SH2D4A: variants seen among roughly 807,000 people sequenced by gnomAD.
The protein encoded by SH2D4A is SH2 domain containing 4A, also known as SH2 domain-containing protein 4A.
Under a neutral mutation model 64.7 loss-of-function variants are expected in SH2D4A, and 70 were observed. The observed-to-expected ratio is 1.08, with a 90% confidence interval of 0.89 to 1.32. The LOEUF (loss-of-function observed/expected upper bound fraction) is 1.32, where lower values mean the gene tolerates loss of function less well. SH2D4A is among the 40% of genes most tolerant of loss of function. The pLI, the probability that SH2D4A is intolerant of heterozygous loss-of-function variation, is 0.00. For synonymous variants in SH2D4A, 268 were observed against 200.7 expected, an observed-to-expected ratio of 1.34 and a Z score of -2.83; for missense variants, 706 against 540.1, an observed-to-expected ratio of 1.31 and a Z score of -3.04.
At chr8:19,315,093 C>CT (rs368292304) in intron 1 of SH2D4A, among the ~76,000 whole-genome samples, 2,379 of 149,246 alleles carry the variant, frequency 0.016, 64 homozygotes, top group African/African-American at 0.054. Flanking sequence ...ACCGCAGTTA[C>CT]TTTTTTTTTG....
intron 7 of SH2D4A, among the ~76,000 whole-genome samples, chr8:19,367,977 CT>C (rs907245340): frequency 6.6e-6 from 1 of 152,120 alleles, no homozygotes. Flanking sequence ...CCAGTATTTT[CT>C]TTTGGTAGCT....
rs778639547 is a variant in SH2D4A, at chr8:19,393,505, G to A, written c.1236G>A (p.Gln412=). ...GCTTCCTGGGCGTGGACCAGCTACA[G>A]CATGCCACCTTGGCGGATTTGGTGG... ...AYSFLGVDQL[Q]HATLADLVEY... Residue 412 remains glutamine, a synonymous_variant, in exon 9 of 10, where the codon CAG becomes CAA. Transcript: ENST00000265807. The A allele has an allele frequency of 6.2e-7, 1 of 1,614,234 alleles. No individual in the cohort carries two copies. The highest frequency in any genetic ancestry group is 8.5e-7 in the Non-Finnish European group (1 of 1,180,046).
intron 4 of SH2D4A, among the ~76,000 whole-genome samples, chr8:19,349,117 A>G (rs575492790): frequency 6.6e-6 from 1 of 152,342 alleles, no homozygotes; most frequent in East Asian, 1.9e-4. Context: ...TCTAGTATAC[A>G]TGAAGGAAGC....
chr8:19,370,454 T>C (rs1239359895), intron 7 of SH2D4A, among the ~76,000 whole-genome samples: 3 of 152,096 alleles, frequency 2.0e-5, no homozygotes, highest in Non-Finnish European at 4.4e-5. Context: ...ATAACTGTTC[T>C]TGCTGTATTG....
chr8:19,333,459 G>A (rs1011954721), intron 3 of SH2D4A, among the ~76,000 whole-genome samples: 11 of 152,164 alleles, frequency 7.2e-5, no homozygotes, highest in Non-Finnish European at 1.5e-4. Flanking sequence ...ACCCGTGGCT[G>A]CACTAGAGTC....
intron 2 of SH2D4A, 84 bp downstream of exon 2, chr8:19,319,812 A>G: frequency 7.2e-7 from 1 of 1,387,374 alleles, no homozygotes; most frequent in Non-Finnish European, 9.5e-7. Context: ...AGTCACAAGC[A>G]AAGCAGGTGC....
At chr8:19,315,605 G>T (rs1409317945) in intron 1 of SH2D4A, among the ~76,000 whole-genome samples, 1 of 152,188 alleles carries the variant, frequency 6.6e-6, no homozygotes, top group Non-Finnish European at 1.5e-5. Flanking sequence ...TTAGCAATTG[G>T]TGTTCAGAAT....
At chr8:19,381,068 G>A (rs561950077) in intron 8 of SH2D4A, among the ~76,000 whole-genome samples, 1 of 150,384 alleles carries the variant, frequency 6.6e-6, no homozygotes, top group South Asian at 2.1e-4. Context: ...TTTAGACGGA[G>A]TCTTGCTCTG....
chr8:19,392,158 G>A (rs963018608), intron 8 of SH2D4A, among the ~76,000 whole-genome samples: 7 of 152,212 alleles, frequency 4.6e-5, no homozygotes, highest in Non-Finnish European at 8.8e-5. Flanking sequence ...CTGGTCTGGA[G>A]TAAGAGTGTG....
At position 19,319,460 on chromosome 8, in the gene SH2D4A, G is replaced by A. The variant is rs1013533691; in HGVS notation, c.-88G>A. 1.1e-5 allele frequency: 15 copies of A among 1,354,660 alleles called. No individual in the cohort carries two copies. The South Asian group carries it at 2.1e-4, about 19-fold the overall frequency. The allele number at this position is 1,354,660 out of a possible 1,614,324, so 83.9% of individuals were successfully genotyped here. ...GCTGTTTGGGAAGTTTCGTGGAAAC[G>A]CCCAAGTGCCAGCACAGGTGGAGGG... On this transcript the variant is annotated 5_prime_UTR_variant, in exon 2 of 10. Coordinates refer to ENST00000265807, the MANE Select transcript of SH2D4A (RefSeq NM_022071.4).
chr8:19,317,325 T>C (rs1420676337), intron 1 of SH2D4A, among the ~76,000 whole-genome samples: 1 of 150,366 alleles, frequency 6.7e-6, no homozygotes, highest in African/African-American at 2.5e-5. Context: ...TTTTTTTTTT[T>C]TGGCTGTTCA....
At chr8:19,394,371 C>A (rs952300074) in intron 9 of SH2D4A, among the ~76,000 whole-genome samples, 179 bp from the exon 10 acceptor site, 2 of 152,062 alleles carry the variant, frequency 1.3e-5, no homozygotes, top group African/African-American at 4.8e-5. Context: ...GAATTCAAGC[C>A]CTGAAGGGAA....
At chr8:19,372,221 T>G (rs2053113977) in intron 7 of SH2D4A, among the ~76,000 whole-genome samples, 1 of 152,188 alleles carries the variant, frequency 6.6e-6, no homozygotes, top group South Asian at 2.1e-4. Flanking sequence ...TTAAATTGTT[T>G]CCTGAGCCTG....
intron 7 of SH2D4A, among the ~76,000 whole-genome samples, chr8:19,372,470 G>C (rs111880049): frequency 0.017 from 2,541 of 152,212 alleles, 80 homozygotes; most frequent in African/African-American, 0.058. Flanking sequence ...TACTTCCTTG[G>C]CTTTAGTGGT....
chr8:19,369,567 G>A (rs2053059606), intron 7 of SH2D4A, among the ~76,000 whole-genome samples: 1 of 151,940 alleles, frequency 6.6e-6, no homozygotes, highest in African/African-American at 2.4e-5. Flanking sequence ...TTGGTAGGTT[G>A]TATGTGTCCA....
chr8:19,331,311 T>A (rs1321350207), intron 2 of SH2D4A, among the ~76,000 whole-genome samples: 1 of 152,212 alleles, frequency 6.6e-6, no homozygotes, highest in Non-Finnish European at 1.5e-5. Flanking sequence ...GTGGATGTTT[T>A]GCTCATCAAA....
intron 7 of SH2D4A, among the ~76,000 whole-genome samples, chr8:19,373,156 G>C (rs2053132237): frequency 6.6e-6 from 1 of 151,826 alleles, no homozygotes; most frequent in Non-Finnish European, 1.5e-5. Context: ...TCTATAACTA[G>C]CCCTTTAAGA....
chr8:19,340,153 A>G (rs1008243226), intron 4 of SH2D4A, among the ~76,000 whole-genome samples: 6 of 152,106 alleles, frequency 3.9e-5, no homozygotes, highest in Non-Finnish European at 8.8e-5. Flanking sequence ...CAAAGGCTCC[A>G]TAGCTGGAGG....
At chr8:19,321,456 T>G (rs1428734444) in intron 2 of SH2D4A, among the ~76,000 whole-genome samples, 1 of 152,166 alleles carries the variant, frequency 6.6e-6, no homozygotes, top group Non-Finnish European at 1.5e-5. Flanking sequence ...TCAAACGATC[T>G]GCCCACCTGG....
Sources: allele counts gnomAD v4.1 joint callset (sites outside exome capture counted in the v4.1 genomes callset), GRCh38; gene constraint gnomAD v4.1.1; transcripts MANE v1.5; gene names NCBI Gene and HGNC (gene_info 2026-07-23, HGNC 2026-07-21).